SAMD12: variants seen among roughly 807,000 people sequenced by gnomAD.
SAMD12 encodes the protein sterile alpha motif domain containing 12, also known as sterile alpha motif domain-containing protein 12.
SAMD12 carries 9 observed loss-of-function variants against 15.0 expected under a neutral mutation model. That is an observed-to-expected ratio of 0.60 (90% CI 0.36 to 1.05). SAMD12 has a LOEUF of 1.05. Among genes scored for constraint, SAMD12 ranks in the 50% least tolerant of loss-of-function variants. SAMD12 has a pLI of 0.01. For synonymous variants in SAMD12, 86 were observed against 90.1 expected, an observed-to-expected ratio of 0.96 and a Z score of 0.25; for missense variants, 230 against 234.2, an observed-to-expected ratio of 0.98 and a Z score of 0.12.
chr8:118,541,896 A>C (rs753307863), intron 2 of SAMD12, among the ~76,000 whole-genome samples: 1 of 152,192 alleles, frequency 6.6e-6, no homozygotes, highest in Admixed American at 6.5e-5. Flanking sequence ...TATGCTACCC[A>C]GGCTGGTCTT....
At chr8:118,578,877 G>T (rs924523378) in intron 2 of SAMD12, among the ~76,000 whole-genome samples, 1 of 152,152 alleles carries the variant, frequency 6.6e-6, no homozygotes, top group South Asian at 2.1e-4. Flanking sequence ...AACCTCATTT[G>T]TTGGGGATGG....
intron 1 of SAMD12, among the ~76,000 whole-genome samples, chr8:118,590,886 C>T (rs896027142): frequency 3.3e-5 from 5 of 152,006 alleles, no homozygotes; most frequent in Non-Finnish European, 5.9e-5. Context: ...TTACACTTGA[C>T]ACAAATGGAA....
At chr8:118,133,022 A>ATATATG in the SAMD12 span, among the ~76,000 whole-genome samples, 1 of 102,792 alleles carries the variant, frequency 9.7e-6, no homozygotes, top group African/African-American at 3.7e-5. Flanking sequence ...ATATATATAT[A>ATATATG]TATATCTTAT....
At chr8:118,492,280 C>A (rs1824463610) in intron 2 of SAMD12, among the ~76,000 whole-genome samples, 1 of 151,892 alleles carries the variant, frequency 6.6e-6, no homozygotes, top group Non-Finnish European at 1.5e-5. Flanking sequence ...AGTGTCCATT[C>A]GAATCTTTGC....
chr8:118,496,790 T>A (rs575318662), intron 2 of SAMD12, among the ~76,000 whole-genome samples: 1 of 151,942 alleles, frequency 6.6e-6, no homozygotes, highest in South Asian at 2.1e-4. Context: ...ACCTACAGAA[T>A]GGGAGAAAAT....
chr8:118,239,664 G>C (rs1256239001), intron 4 of SAMD12, among the ~76,000 whole-genome samples: 2 of 152,092 alleles, frequency 1.3e-5, no homozygotes, highest in African/African-American at 4.8e-5. Flanking sequence ...TCCCATCCAG[G>C]GTTGGGATCT....
At chr8:118,516,159 T>G (rs1825239390) in intron 2 of SAMD12, among the ~76,000 whole-genome samples, 1 of 152,214 alleles carries the variant, frequency 6.6e-6, no homozygotes, top group African/African-American at 2.4e-5. Context: ...CAGAGCCACC[T>G]CCTGTTGGAT....
intron 2 of SAMD12, among the ~76,000 whole-genome samples, chr8:118,498,162 A>G (rs1824680042): frequency 6.6e-6 from 1 of 152,176 alleles, no homozygotes; most frequent in Non-Finnish European, 1.5e-5. Flanking sequence ...TCCAGCTGAG[A>G]CAAATTTACC....
chr8:118,600,872 C>A (rs1827846886), intron 1 of SAMD12, among the ~76,000 whole-genome samples: 1 of 151,982 alleles, frequency 6.6e-6, no homozygotes, highest in South Asian at 2.1e-4. Context: ...CTTTTCTAAT[C>A]TGAACAATGT....
chr8:118,524,089 C>T (rs979789169), intron 2 of SAMD12, among the ~76,000 whole-genome samples: 3 of 152,096 alleles, frequency 2.0e-5, no homozygotes, highest in African/African-American at 7.2e-5. Context: ...CCAGCTCCTA[C>T]CCAATTTTTC....
At chr8:118,425,231 C>G (rs1368100136) in intron 3 of SAMD12, among the ~76,000 whole-genome samples, 3 of 152,110 alleles carry the variant, frequency 2.0e-5, no homozygotes, top group African/African-American at 7.2e-5. Context: ...AGCCACCGTG[C>G]CCAGCTGTGG....
chr8:118,300,789 T>C (rs974514738), intron 4 of SAMD12, among the ~76,000 whole-genome samples: 5 of 152,226 alleles, frequency 3.3e-5, no homozygotes, highest in African/African-American at 1.2e-4. Context: ...TTCTTAAATA[T>C]TACAGATTAC....
intron 4 of SAMD12, among the ~76,000 whole-genome samples, chr8:118,246,564 T>C (rs545085283): frequency 1.3e-5 from 2 of 152,310 alleles, no homozygotes; most frequent in South Asian, 4.1e-4. Context: ...ATTATCTCTT[T>C]TCACTTATGT....
chr8:118,290,959 A>G (rs1399707544), intron 4 of SAMD12, among the ~76,000 whole-genome samples: 3 of 152,240 alleles, frequency 2.0e-5, no homozygotes, highest in Non-Finnish European at 4.4e-5. Context: ...CAGAGAGAGC[A>G]TTCTAGCCAA....
chr8:118,527,989 G>A (rs1218460587), intron 2 of SAMD12, among the ~76,000 whole-genome samples: 1 of 151,572 alleles, frequency 6.6e-6, no homozygotes, highest in East Asian at 1.9e-4. Context: ...TTTTAATCAC[G>A]TGATTTTGGC....
chr8:118,546,132 G>T (rs978235939), intron 2 of SAMD12, among the ~76,000 whole-genome samples: 7 of 152,114 alleles, frequency 4.6e-5, no homozygotes, highest in African/African-American at 1.7e-4. Context: ...AGAAACCCAG[G>T]TGTGATGAGA....
intron 1 of SAMD12, 151 bp from the exon 2 acceptor site, chr8:118,581,044 G>T: frequency 1.8e-6 from 1 of 567,558 alleles, no homozygotes; most frequent in Non-Finnish European, 3.0e-6. Context: ...ATATGGTGAG[G>T]AGGGAGCACG....
intron 4 of SAMD12, among the ~76,000 whole-genome samples, chr8:118,364,683 G>T (rs1586605459): frequency 6.6e-6 from 1 of 152,140 alleles, no homozygotes; most frequent in Non-Finnish European, 1.5e-5. Context: ...TCAAGATAAG[G>T]TCTGGGAATC....
At chr8:118,491,924 G>T (rs1294610382) in intron 2 of SAMD12, among the ~76,000 whole-genome samples, 1 of 152,166 alleles carries the variant, frequency 6.6e-6, no homozygotes, top group Non-Finnish European at 1.5e-5. Context: ...ACAAGTCTTT[G>T]TGTGGATGTT....
Sources: gnomAD v4.1 joint callset for allele counts (sites outside exome capture counted in the v4.1 genomes callset) on GRCh38, gnomAD v4.1.1 for gene constraint, MANE v1.5 for transcripts, NCBI Gene and HGNC (gene_info 2026-07-23, HGNC 2026-07-21) for gene names.